Variants in DYNC2H1 observed in about 807,000 individuals in gnomAD.
DYNC2H1 encodes dynein cytoplasmic 2 heavy chain 1, also known as cytoplasmic dynein 2 heavy chain 1.
DYNC2H1 carries 410 observed loss-of-function variants against 570.0 expected under a neutral mutation model. The ratio of observed to expected loss-of-function variants is 0.72; its 90% CI spans 0.66 to 0.78. The LOEUF (loss-of-function observed/expected upper bound fraction) is 0.78. Among genes scored for constraint, DYNC2H1 ranks in the 30% least tolerant of loss-of-function variants. The pLI is 0.00. For synonymous variants in DYNC2H1, 1,688 were observed against 1,677.6 expected (o/e 1.01, Z -0.15); for missense variants, 4,865 against 5,046.4 (o/e 0.96, Z 1.09).
rs1481539414 is a variant in DYNC2H1, at chr11:103,199,603, TC to T, written c.8088+128del. On this transcript the variant is annotated intron_variant, in intron 49 of 88. Transcript: ENST00000375735. This position sits in a 1 kb window ranked among gnomAD's most constrained non-coding sequence, Gnocchi z 4.6. ...AAGAACATCTTTAAAGAACTAAAGT[TC>T]TCTGTTATACAATGTAGTCTTTATT... 1.3e-5 allele frequency: 12 copies of T among 890,872 alleles called. No homozygotes were observed. Among genetic ancestry groups the T allele is most frequent in the Non-Finnish European group, 1.9e-5 (12 of 640,992 alleles). The allele number at this position is 890,872 out of a possible 1,614,324, so 55.2% of individuals were successfully genotyped here.
intron 83 of DYNC2H1, among the ~76,000 whole-genome samples, chr11:103,374,316 T>TA (rs1292532436): frequency 6.6e-6 from 1 of 152,196 alleles, no homozygotes; most frequent in Non-Finnish European, 1.5e-5. Context: ...TTTTATAAGC[T>TA]ACTGGCATTT....
chr11:103,467,319 C>G (rs1217903930), intron 87 of DYNC2H1, among the ~76,000 whole-genome samples: 1 of 152,140 alleles, frequency 6.6e-6, no homozygotes, highest in Admixed American at 6.5e-5. Context: ...CTTTTCCTTG[C>G]AACAGCAACC....
intron 87 of DYNC2H1, among the ~76,000 whole-genome samples, chr11:103,464,421 CAGAG>C (rs1031841772): frequency 6.6e-6 from 1 of 152,024 alleles, no homozygotes; most frequent in East Asian, 1.9e-4. Flanking sequence ...AAGTATAAAA[CAGAG>C]AGAATGACAG....
intron 84 of DYNC2H1, among the ~76,000 whole-genome samples, chr11:103,414,057 ACATAAGT>A (rs57027095): frequency 0.51 from 76,726 of 151,582 alleles, 19,662 homozygotes; most frequent in African/African-American, 0.6. Flanking sequence ...AAAGATGTGT[ACATAAGT>A]CATAACACAA....
At chr11:103,401,762 T>C (rs1942653952) in intron 84 of DYNC2H1, among the ~76,000 whole-genome samples, 1 of 151,478 alleles carries the variant, frequency 6.6e-6, no homozygotes. Flanking sequence ...ACCCTACAAA[T>C]GCTGTTCTTG....
In DYNC2H1 at chr11:103,134,320, G is replaced by A. The variant is rs1354433663; in HGVS notation, c.2107-1G>A. On this transcript the variant is annotated splice_acceptor_variant, in intron 14 of 88. Transcript: ENST00000375735. LOFTEE classifies it high-confidence loss of function. ...GACTAGCATGCTCTAATTTTTCATA[G>A]GTGGTTGTTCTTATGAATATTGATC... 6.2e-7 allele frequency: 1 copy of A among 1,612,322 alleles called. No homozygotes were observed. Among genetic ancestry groups the A allele is most frequent in the Admixed American group, 1.7e-5 (1 of 59,904 alleles).
intron 83 of DYNC2H1, 60 bp from the exon 84 acceptor site, chr11:103,399,603 G>GT (rs1371126002): frequency 8.3e-7 from 1 of 1,204,506 alleles, no homozygotes; most frequent in Non-Finnish European, 1.2e-6. Context: ...GTTTCAAAGC[G>GT]TTTTATATAT....
chr11:103,343,248 G>A (rs891879792), intron 82 of DYNC2H1, among the ~76,000 whole-genome samples: 3 of 152,054 alleles, frequency 2.0e-5, no homozygotes, highest in African/African-American at 4.8e-5. Flanking sequence ...AAGTTAAGTC[G>A]CCCAAGCGCA....
In DYNC2H1 at chr11:103,177,725, G is replaced by T; in HGVS notation, c.6044G>T (p.Arg2015Leu). ...ACTATGAATCCCAAAGCTATGCCTC[G>T]ATATCAATTATTAGGCCATATTGAC... ...QYTMNPKAMP[R>L]YQLLGHIDMD... is the part of the protein sequence containing the mutation. Residue 2015 changes from arginine (R) to leucine (L), a missense_variant, in exon 38 of 89, where the codon CGA (arginine) becomes CTA (leucine). Around this residue, in one of 5 missense-constraint regions of DYNC2H1, gnomAD observed 231 missense variants for 310.3 expected, o/e 0.74. Transcript: ENST00000375735. The surrounding 1 kb of genome is among the most constrained non-coding windows in gnomAD (Gnocchi z 4.4). 6.2e-7 allele frequency: 1 copy of T among 1,613,358 alleles called. No individual in the cohort carries two copies. Among genetic ancestry groups the T allele is most frequent in the Non-Finnish European group, 8.5e-7 (1 of 1,179,648 alleles).
At chr11:103,437,421 T>C (rs535609001) in intron 85 of DYNC2H1, among the ~76,000 whole-genome samples, 42 of 152,062 alleles carry the variant, frequency 2.8e-4, no homozygotes, top group Non-Finnish European at 4.4e-4. Context: ...CAGCCTACAA[T>C]TGGGACTCCT....
At chr11:103,330,275 A>G (rs1938709876) in intron 82 of DYNC2H1, among the ~76,000 whole-genome samples, 1 of 149,126 alleles carries the variant, frequency 6.7e-6, no homozygotes, top group Admixed American at 6.8e-5. Flanking sequence ...CTGAAGAAAA[A>G]CTTTTTGCAT....
In DYNC2H1 at chr11:103,173,142, G is replaced by T; in HGVS notation, c.5395G>T (p.Gly1799Ter). The T allele has an allele frequency of 6.5e-7, 1 of 1,546,800 alleles. No individual in the cohort carries two copies. Among genetic ancestry groups the T allele is most frequent in the South Asian group, 1.2e-5 (1 of 81,076 alleles). Residue 1799 changes from glycine (G) to a stop codon, truncating the protein, a stop_gained, in exon 35 of 89, where the codon GGA (glycine) becomes TGA (stop). Coordinates refer to ENST00000375735, the MANE Select transcript of DYNC2H1 (RefSeq NM_001377.3). LOFTEE classifies it high-confidence loss of function. ...ITMNPAGKGYGGRQKLPDNLK... is the reference protein window; with the variant it reads ...ITMNPAGKGY ...TATGAATCCTGCTGGAAAAGGTTAT[G>T]GAGGAAGACAAAAACTGCCTGATAA... is the stretch of plus-strand genomic sequence containing the variant.
At position 103,376,213 on chromosome 11, in the gene DYNC2H1, T is replaced by G. The variant is rs1591648633; in HGVS notation, c.12156+17854T>G. Reference sequence around the variant, plus strand: ...AGGCCTCCCCAGCCAGGCAGAGATGTGAGTCAATTAAAACTCTTCTCTTTG... The same window carrying G: ...AGGCCTCCCCAGCCAGGCAGAGATGGGAGTCAATTAAAACTCTTCTCTTTG... On this transcript the variant is annotated intron_variant, in intron 83 of 88. Coordinates refer to ENST00000375735, the MANE Select transcript of DYNC2H1 (RefSeq NM_001377.3). 2.6e-5 allele frequency among the ~76,000 whole-genome samples: 4 copies of G among 152,358 alleles called. No homozygotes were observed. In the Middle Eastern group the frequency reaches 0.014, roughly 518 times the overall value.
intron 82 of DYNC2H1, among the ~76,000 whole-genome samples, chr11:103,332,808 C>G (rs896484017): frequency 6.6e-5 from 10 of 152,048 alleles, no homozygotes; most frequent in African/African-American, 2.4e-4. Context: ...TCGAGATCCC[C>G]CTGGCCAACA....
intron 75 of DYNC2H1, among the ~76,000 whole-genome samples, chr11:103,301,949 A>T (rs2135393210): frequency 6.6e-6 from 1 of 152,014 alleles, no homozygotes; most frequent in East Asian, 1.9e-4. Flanking sequence ...GTTTATTTTT[A>T]AACTCCTGTG....
intron 6 of DYNC2H1, among the ~76,000 whole-genome samples, chr11:103,118,875 G>T (rs1258452897): frequency 6.6e-6 from 1 of 152,086 alleles, no homozygotes; most frequent in Non-Finnish European, 1.5e-5. Context: ...AATCTGTGAG[G>T]GTTCAGGTAT....
intron 65 of DYNC2H1, among the ~76,000 whole-genome samples, chr11:103,247,397 T>A (rs1195919361): frequency 1.3e-5 from 2 of 152,052 alleles, no homozygotes; most frequent in Non-Finnish European, 2.9e-5. Flanking sequence ...GTTGTCTCTG[T>A]TTTCAAGAGG....
chr11:103,402,227 T>G (rs1296907107), intron 84 of DYNC2H1: 1 of 152,090 alleles, frequency 6.6e-6, no homozygotes, highest in East Asian at 1.9e-4. Flanking sequence ...AGGGGAAAAA[T>G]GCCTGTTGAG....
At chr11:103,427,558 A>G (rs907309708) in intron 84 of DYNC2H1, among the ~76,000 whole-genome samples, 2 of 152,112 alleles carry the variant, frequency 1.3e-5, no homozygotes, top group Non-Finnish European at 2.9e-5. Flanking sequence ...AATAACAGAC[A>G]TTTCTCACAG....
Sources: gnomAD v4.1 joint callset for allele counts (sites outside exome capture counted in the v4.1 genomes callset) on GRCh38, gnomAD v4.1.1 for gene constraint, gnomAD v4.1.1 regional missense constraint, Gnocchi (gnomAD v3.1) non-coding constraint, MANE v1.5 for transcripts, NCBI Gene and HGNC (gene_info 2026-07-23, HGNC 2026-07-21) for gene names.